Variants in UGT1A10 observed in about 807,000 individuals in gnomAD.
The protein encoded by UGT1A10 is UDP glucuronosyltransferase family 1 member A10.
UGT1A10 carries 49 observed loss-of-function variants against 45.8 expected under a neutral mutation model. The ratio of observed to expected loss-of-function variants is 1.07; its 90% CI spans 0.85 to 1.36. The LOEUF is 1.36. UGT1A10 is among the 40% of genes most tolerant of loss of function. The pLI is 0.00. For missense variants in UGT1A10, 745 were observed against 668.6 expected (o/e 1.11, Z -1.26); for synonymous variants, 284 against 249.7 (o/e 1.14, Z -1.29).
intron 1 of UGT1A10, among the ~76,000 whole-genome samples, chr2:233,662,749 CT>C (rs1354218518): frequency 1.3e-5 from 2 of 151,340 alleles, no homozygotes; most frequent in Non-Finnish European, 2.9e-5. Flanking sequence ...ATGATGTTAG[CT>C]GTGGGTTTTT....
chr2:233,747,270 T>C (rs1378649529), intron 1 of UGT1A10: 110 of 1,598,986 alleles, frequency 6.9e-5, no homozygotes, highest in Non-Finnish European at 9.1e-5. Context: ...TGCTACTCCT[T>C]CTCAGTGCCC....
intron 1 of UGT1A10, among the ~76,000 whole-genome samples, chr2:233,661,913 A>G (rs2073979139): frequency 6.6e-6 from 1 of 151,798 alleles, no homozygotes; most frequent in African/African-American, 2.4e-5. Context: ...ATGCATGAGA[A>G]CTGTGAGATC....
rs1228261525 is a variant in UGT1A10 at position 233,707,568 on chromosome 2, T to G, written c.856-59466T>G. On this transcript the variant is annotated intron_variant, in intron 1 of 4. Transcript: ENST00000344644. ...TTTTTTTTTTGGTTCAACCTTATGT[T>G]TGAGAGATTCATGATGTGTGTTTTT... Among the ~76,000 whole-genome samples the G allele has an allele frequency of 2.0e-5, 3 of 152,064 alleles. No homozygotes were observed. In the East Asian group the frequency reaches 5.8e-4, roughly 29 times the overall value.
intron 1 of UGT1A10, chr2:233,713,784 T>A: frequency 6.2e-7 from 1 of 1,614,078 alleles, no homozygotes; most frequent in Non-Finnish European, 8.5e-7. Context: ...TGTGATGGAT[T>A]ACCCCAGGCC....
chr2:233,682,394 T>G, intron 1 of UGT1A10: 1 of 1,614,020 alleles, frequency 6.2e-7, no homozygotes, highest in Non-Finnish European at 8.5e-7. Flanking sequence ...TTTTGATGCC[T>G]GTGGCTTAAT....
chr2:233,659,005 A>G (rs1480180136), intron 1 of UGT1A10, among the ~76,000 whole-genome samples: 1 of 152,232 alleles, frequency 6.6e-6, no homozygotes, highest in East Asian at 1.9e-4. Context: ...TTTGGTTGAA[A>G]TCATATTTAA....
At chr2:233,702,428 C>A (rs1245005959) in intron 1 of UGT1A10, among the ~76,000 whole-genome samples, 1 of 152,062 alleles carries the variant, frequency 6.6e-6, no homozygotes, top group African/African-American at 2.4e-5. Context: ...TTACTTCTTC[C>A]TTTCTAATAA....
intron 1 of UGT1A10, among the ~76,000 whole-genome samples, chr2:233,644,019 G>A (rs1296571909): frequency 6.6e-6 from 1 of 152,166 alleles, no homozygotes; most frequent in East Asian, 1.9e-4. Flanking sequence ...TGGGATTAGG[G>A]GAGGAGTGAT....
At chr2:233,718,930 A>T in intron 1 of UGT1A10, 3 of 1,614,066 alleles carry the variant, frequency 1.9e-6, no homozygotes, top group African/African-American at 1.3e-5. Context: ...GTGCCCACTG[A>T]TGGCAGCCCC....
chr2:233,727,133 C>G (rs1484837556), intron 1 of UGT1A10, among the ~76,000 whole-genome samples: 1 of 152,194 alleles, frequency 6.6e-6, no homozygotes, highest in African/African-American at 2.4e-5. Flanking sequence ...CAGAGGGGAA[C>G]AAGACCACAC....
At position 233,764,188 on chromosome 2, in the gene UGT1A10, A is replaced by G. The variant is rs1395608589; in HGVS notation, c.856-2846A>G. ...TCAGAACAGGGAAATTCTCTCATTCAGGGGCATCTCATCTTTTCTTTGAAG... is the reference window on the plus strand; with the variant it reads ...TCAGAACAGGGAAATTCTCTCATTCGGGGGCATCTCATCTTTTCTTTGAAG... On this transcript the variant is annotated intron_variant, in intron 1 of 4. Transcript: ENST00000344644. Among the ~76,000 whole-genome samples, 3 of 152,296 alleles carry G rather than the reference A, an allele frequency of 2.0e-5. No individual in the cohort carries two copies. The East Asian group carries it at 5.8e-4, about 29-fold the overall frequency.
chr2:233,653,834 T>A (rs987746841), intron 1 of UGT1A10, among the ~76,000 whole-genome samples: 1 of 152,230 alleles, frequency 6.6e-6, no homozygotes, highest in South Asian at 2.1e-4. Flanking sequence ...TGACTTCAGA[T>A]GATCTGCCCT....
rs1700515616 is a variant in UGT1A10, at chr2:233,772,390, C to A, written c.1424C>A (p.Ala475Asp). 4 of 1,614,144 alleles carry A rather than the reference C, an allele frequency of 2.5e-6. No individual in the cohort carries two copies. The highest frequency in any genetic ancestry group is 3.4e-6 in the Non-Finnish European group (4 of 1,180,058). Residue 475 changes from alanine (A) to aspartate (D), a missense_variant, in exon 5 of 5, where the codon GCC (alanine) becomes GAC (aspartate). Transcript: ENST00000344644. ...GGCGCGCCACACCTGCGCCCCGCAGCCCACGACCTCACCTGGTACCAGTAC... is the reference window on the plus strand; with the variant it reads ...GGCGCGCCACACCTGCGCCCCGCAGACCACGACCTCACCTGGTACCAGTAC... ...HKGAPHLRPA[A>D]HDLTWYQYHS...
At chr2:233,729,032 T>C in intron 1 of UGT1A10, 2 of 1,601,672 alleles carry the variant, frequency 1.2e-6, no homozygotes. Flanking sequence ...GTTGATTTGC[T>C]AAGTGGCTCA....
rs1378719949 is a variant in UGT1A10, at chr2:233,755,434, G to A, written c.856-11600G>A. 1.3e-5 allele frequency: 4 copies of A among 316,454 alleles called. No homozygotes were observed. In the East Asian group the frequency reaches 3.3e-4, roughly 26 times the overall value. The allele number at this position is 316,454 out of a possible 1,614,324, so 19.6% of individuals were successfully genotyped here. A position where few individuals can be genotyped will look rare whatever the true frequency, so the allele number is the denominator to read the frequency against. ...GGCCTGTGAGCGCCTCGCATCCCAA[G>A]ATGCAGTGCTCCTGGGACTGGCCCT... On this transcript the variant is annotated intron_variant, in intron 1 of 4. Coordinates refer to ENST00000344644, the MANE Select transcript of UGT1A10 (RefSeq NM_019075.4).
At chr2:233,651,877 C>T (rs1973042) in intron 1 of UGT1A10, among the ~76,000 whole-genome samples, 1 of 152,060 alleles carries the variant, frequency 6.6e-6, no homozygotes, top group Non-Finnish European at 1.5e-5. Flanking sequence ...CTGAAGGTCT[C>T]CAGTAGCAAA....
At chr2:233,644,760 G>A (rs2073555137) in intron 1 of UGT1A10, among the ~76,000 whole-genome samples, 1 of 152,026 alleles carries the variant, frequency 6.6e-6, no homozygotes, top group South Asian at 2.1e-4. Flanking sequence ...GGTGACATAG[G>A]AGATGCAGAA....
Position 233,767,830 on chromosome 2 carries a change from C to A in UGT1A10, c.988-19C>A. 6.2e-7 allele frequency: 1 copy of A among 1,614,170 alleles called. No homozygotes were observed. The highest frequency in any genetic ancestry group is 8.5e-7 in the Non-Finnish European group (1 of 1,180,024). Reference sequence around the variant, plus strand: ...TATTATGTTCTTTCTTTACGTTCTGCTCTTTTTGCCCCTCCCAGGTCCTGT... The same window carrying A: ...TATTATGTTCTTTCTTTACGTTCTGATCTTTTTGCCCCTCCCAGGTCCTGT... On this transcript the variant is annotated intron_variant, in intron 2 of 4. Coordinates refer to ENST00000344644, the MANE Select transcript of UGT1A10 (RefSeq NM_019075.4).
At chr2:233,772,194 T>C (rs921300076) in intron 4 of UGT1A10, 68 bp from the exon 5 acceptor site, 7 of 1,602,000 alleles carry the variant, frequency 4.4e-6, no homozygotes, top group Non-Finnish European at 6.0e-6. Context: ...TAAGCAGCCA[T>C]GAGCATAAAG....
Sources: gnomAD v4.1 joint callset for allele counts (sites outside exome capture counted in the v4.1 genomes callset) on GRCh38, gnomAD v4.1.1 for gene constraint, MANE v1.5 for transcripts, NCBI Gene and HGNC (gene_info 2026-07-23, HGNC 2026-07-21) for gene names.